Variants in LRRTM4 observed in about 807,000 individuals in gnomAD.
The protein encoded by LRRTM4 is leucine-rich repeat transmembrane neuronal protein 4.
LRRTM4 carries 25 observed loss-of-function variants against 47.6 expected under a neutral mutation model. The observed-to-expected ratio is 0.53, with a 90% CI of 0.38 to 0.73. The LOEUF is 0.73. Ranked by LOEUF, LRRTM4 falls within the 30% of genes least tolerant of loss-of-function variation. The pLI is 0.00. For synonymous variants in LRRTM4, 311 were observed against 269.5 expected (o/e 1.15, Z -1.51); for missense variants, 638 against 713.4 (o/e 0.89, Z 1.20).
At chr2:76,854,084 T>A (rs1672075068) in intron 3 of LRRTM4, among the ~76,000 whole-genome samples, 1 of 152,150 alleles carries the variant, frequency 6.6e-6, no homozygotes, top group African/African-American at 2.4e-5. Flanking sequence ...GATTTTATAA[T>A]CCCCTTCTTT....
chr2:76,917,507 T>C (rs565627530), intron 3 of LRRTM4, among the ~76,000 whole-genome samples: 10 of 152,260 alleles, frequency 6.6e-5, no homozygotes, highest in African/African-American at 2.2e-4. Context: ...TTTACCTATA[T>C]AGAAAACTCA....
intron 3 of LRRTM4, among the ~76,000 whole-genome samples, chr2:77,242,240 T>A (rs1314319709): frequency 2.0e-5 from 3 of 152,120 alleles, no homozygotes; most frequent in Non-Finnish European, 4.4e-5. Flanking sequence ...AATGTTGACA[T>A]CTTAACAATA....
intron 3 of LRRTM4, among the ~76,000 whole-genome samples, chr2:77,039,948 C>T (rs546454594): frequency 2.0e-3 from 298 of 150,984 alleles, no homozygotes; most frequent in Non-Finnish European, 3.5e-3. Context: ...ATTTTCTTAG[C>T]TGTTAATTAC....
Position 77,140,569 on chromosome 2 carries a change from G to A in LRRTM4, c.1551+377749C>T, listed in dbSNP as rs530263626. Among the ~76,000 whole-genome samples the A allele has an allele frequency of 1.5e-4, 18 of 121,884 alleles. No homozygotes were observed. The South Asian group carries it at 4.5e-3, about 30-fold the overall frequency. The allele number at this position is 121,884 out of a possible 152,430, so 80.0% of individuals were successfully genotyped here. ...CCATTCAGGACATAGGCATGGGCAA[G>A]GACTTCATGACTAAAACACCAAAAG... On this transcript the variant is annotated intron_variant, in intron 3 of 3. Transcript: ENST00000409884.
chr2:77,203,837 T>A (rs1201420872), intron 3 of LRRTM4, among the ~76,000 whole-genome samples: 1 of 152,134 alleles, frequency 6.6e-6, no homozygotes, highest in Non-Finnish European at 1.5e-5. Flanking sequence ...TAAAGAAACA[T>A]ACTGTTCCAC....
At chr2:77,374,743 C>A (rs551277858) in intron 3 of LRRTM4, among the ~76,000 whole-genome samples, 4 of 151,862 alleles carry the variant, frequency 2.6e-5, no homozygotes, top group East Asian at 1.9e-4. Flanking sequence ...TTTATCTATA[C>A]CTAGTTTACA....
Position 77,510,358 on chromosome 2 carries a change from G to A in LRRTM4, c.1551+7960C>T, listed in dbSNP as rs1394729342. ...TGTCTTCAGGAAGGAGGGAAGAATTGAAATGCAAATATAGAATTTATACCC... is the reference window on the plus strand; with the variant it reads ...TGTCTTCAGGAAGGAGGGAAGAATTAAAATGCAAATATAGAATTTATACCC... On this transcript the variant is annotated intron_variant, in intron 3 of 3. Coordinates refer to ENST00000409884, the MANE Select transcript of LRRTM4 (RefSeq NM_001134745.3). 3.3e-5 allele frequency among the ~76,000 whole-genome samples: 5 copies of A among 152,036 alleles called. No individual in the cohort carries two copies. In the East Asian group the frequency reaches 9.6e-4, roughly 29 times the overall value.
chr2:77,492,142 T>A (rs1174582179), intron 3 of LRRTM4, among the ~76,000 whole-genome samples: 1 of 152,136 alleles, frequency 6.6e-6, no homozygotes, highest in Admixed American at 6.6e-5. Flanking sequence ...AAAATATACA[T>A]AATATTAAAA....
At chr2:77,211,470 G>A (rs779595583) in intron 3 of LRRTM4, among the ~76,000 whole-genome samples, 1 of 152,116 alleles carries the variant, frequency 6.6e-6, no homozygotes, top group Non-Finnish European at 1.5e-5. Context: ...GAGCAAATGG[G>A]CAAGTGATTG....
chr2:76,776,575 C>G (rs1573082517), intron 3 of LRRTM4, among the ~76,000 whole-genome samples: 1 of 152,182 alleles, frequency 6.6e-6, no homozygotes, highest in Non-Finnish European at 1.5e-5. Context: ...AGTGTCTGTT[C>G]ATGACCTTTG....
At chr2:76,836,102 G>A (rs1330612340) in intron 3 of LRRTM4, among the ~76,000 whole-genome samples, 1 of 151,110 alleles carries the variant, frequency 6.6e-6, no homozygotes, top group African/African-American at 2.4e-5. Context: ...CCTTGCCCAG[G>A]TTTTCTAAGG....
chr2:77,373,655 G>A (rs1044007850), intron 3 of LRRTM4, among the ~76,000 whole-genome samples: 7 of 151,720 alleles, frequency 4.6e-5, no homozygotes, highest in African/African-American at 1.5e-4. Flanking sequence ...GGCACCATAT[G>A]CTATCAACAA....
chr2:77,421,015 T>TA (rs1276788335), intron 3 of LRRTM4, among the ~76,000 whole-genome samples: 2 of 150,972 alleles, frequency 1.3e-5, no homozygotes, highest in African/African-American at 4.9e-5. Context: ...GCAGAAAATA[T>TA]AAAAAATTAG....
chr2:77,231,962 T>G (rs1396301603), intron 3 of LRRTM4, among the ~76,000 whole-genome samples: 4 of 152,236 alleles, frequency 2.6e-5, no homozygotes, highest in African/African-American at 9.6e-5. Flanking sequence ...TACTTTTTAT[T>G]TACCTTTTGC....
chr2:77,173,513 C>T (rs1673111258), intron 3 of LRRTM4, among the ~76,000 whole-genome samples: 1 of 152,114 alleles, frequency 6.6e-6, no homozygotes, highest in Non-Finnish European at 1.5e-5. Context: ...GATTGGGAGT[C>T]ACGGGTGGTT....
At chr2:76,836,545 GTAA>G (rs1216440197) in intron 3 of LRRTM4, among the ~76,000 whole-genome samples, 5 of 151,694 alleles carry the variant, frequency 3.3e-5, no homozygotes, top group Non-Finnish European at 5.9e-5. Context: ...TGTAAAGGCA[GTAA>G]TAATAATATT....
chr2:77,080,368 C>A (rs1327103841), intron 3 of LRRTM4, among the ~76,000 whole-genome samples: 2 of 152,148 alleles, frequency 1.3e-5, no homozygotes. Context: ...TGCACACTCT[C>A]ACTGTACACA....
chr2:77,056,573 T>C (rs1259034503), intron 3 of LRRTM4, among the ~76,000 whole-genome samples: 4 of 152,084 alleles, frequency 2.6e-5, no homozygotes, highest in Non-Finnish European at 4.4e-5. Flanking sequence ...TATTAAAATA[T>C]ATGAAAAGAC....
chr2:77,202,655 C>T (rs1674009580), intron 3 of LRRTM4, among the ~76,000 whole-genome samples: 1 of 151,798 alleles, frequency 6.6e-6, no homozygotes, highest in African/African-American at 2.4e-5. Context: ...TTGTAACTCA[C>T]TGTGCTATAC....
Sources: allele counts gnomAD v4.1 joint callset (sites outside exome capture counted in the v4.1 genomes callset), GRCh38; gene constraint gnomAD v4.1.1; transcripts MANE v1.5; gene names NCBI Gene and HGNC (gene_info 2026-07-23, HGNC 2026-07-21).